Variants in ADCYAP1R1 observed in about 807,000 individuals in gnomAD.
The protein encoded by ADCYAP1R1 is pituitary adenylate cyclase-activating polypeptide type I receptor.
A neutral mutation model predicts 67.6 loss-of-function variants in ADCYAP1R1; 44 were observed. The ratio of observed to expected loss-of-function variants is 0.65; its 90% CI spans 0.51 to 0.84. ADCYAP1R1 has a LOEUF of 0.84. Ranked by LOEUF, ADCYAP1R1 falls within the 40% of genes least tolerant of loss-of-function variation. The pLI is 0.00. For missense variants in ADCYAP1R1, 477 were observed against 587.9 expected, an observed-to-expected ratio of 0.81 and a Z score of 1.95; for synonymous variants, 222 against 219.6, an observed-to-expected ratio of 1.01 and a Z score of -0.10.
At chr7:31,061,578 T>C (rs1794502750) in intron 1 of ADCYAP1R1, among the ~76,000 whole-genome samples, 1 of 152,198 alleles carries the variant, frequency 6.6e-6, no homozygotes. Flanking sequence ...AGTGTTGCCA[T>C]GGCTCCCAGG....
intron 13 of ADCYAP1R1, 110 bp from the exon 14 acceptor site, chr7:31,103,127 C>T (rs1281188074): frequency 6.8e-7 from 1 of 1,462,176 alleles, no homozygotes; most frequent in African/African-American, 1.4e-5. Context: ...TGGACACGGG[C>T]CCCAGCTTGG....
rs1338862124 is a variant in ADCYAP1R1 at position 31,086,570 on chromosome 7, G to A, written c.823+33G>A. On this transcript the variant is annotated intron_variant, in intron 10 of 15. Transcript: ENST00000304166. The surrounding 1 kb of genome is among the most constrained non-coding windows in gnomAD (Gnocchi z 5.0). ...CCTGGCTGTGGCTTGGACAGGTTCA[G>A]GTCCCGTGGTCAGGTGTGTCCAGGT... 1 of 1,613,062 alleles carries A rather than the reference G, an allele frequency of 6.2e-7. No individual in the cohort carries two copies. Among genetic ancestry groups the A allele is most frequent in the Admixed American group, 1.7e-5 (1 of 59,978 alleles).
chr7:31,084,056 C>T, intron 6 of ADCYAP1R1, 85 bp from the exon 7 acceptor site: 2 of 1,193,842 alleles, frequency 1.7e-6, no homozygotes, highest in South Asian at 1.3e-5. Flanking sequence ...TCCAGGAATT[C>T]CCACTGAATA....
chr7:31,084,306 A>C, intron 7 of ADCYAP1R1, 56 bp downstream of exon 7: 1 of 1,470,594 alleles, frequency 6.8e-7, no homozygotes, highest in Non-Finnish European at 9.5e-7. Flanking sequence ...GAGGAAATTT[A>C]GGTCAGTAGG....
chr7:31,098,671 C>T (rs992328134), intron 13 of ADCYAP1R1, among the ~76,000 whole-genome samples: 1 of 134,184 alleles, frequency 7.5e-6, no homozygotes, highest in Non-Finnish European at 1.5e-5. Context: ...TGAATGAGAA[C>T]CCCAAATCCA....
intron 14 of ADCYAP1R1, 118 bp from the exon 15 acceptor site, chr7:31,104,750 G>A (rs1043734245): frequency 5.2e-6 from 6 of 1,149,434 alleles, no homozygotes; most frequent in Non-Finnish European, 6.5e-6. Context: ...CCCTGGGCAG[G>A]TGCCCCCATC....
intron 3 of ADCYAP1R1, among the ~76,000 whole-genome samples, chr7:31,076,790 C>A (rs2128624603): frequency 6.6e-6 from 1 of 152,258 alleles, no homozygotes; most frequent in South Asian, 2.1e-4. Flanking sequence ...CCTGTTCCTG[C>A]CCCTCCCCTT....
chr7:31,094,584 G>A (rs1359031036), intron 13 of ADCYAP1R1, among the ~76,000 whole-genome samples: 2 of 151,842 alleles, frequency 1.3e-5, no homozygotes, highest in Admixed American at 6.6e-5. Flanking sequence ...CTCTGGGGGG[G>A]TCCTCTCAGC....
chr7:31,087,001 A>G lies in ADCYAP1R1; in HGVS notation c.882A>G (p.Thr294=), dbSNP rs1306372240. 2 of 1,614,198 alleles carry G rather than the reference A, an allele frequency of 1.2e-6. No individual in the cohort carries two copies. Among genetic ancestry groups the G allele is most frequent in the Non-Finnish European group, 1.7e-6 (2 of 1,180,038 alleles). ...CGCTGAGACTCTACTTTGATGACACAGGGTTAGTACATGCGCGAGAGTCAG... is the reference window on the plus strand; with the variant it reads ...CGCTGAGACTCTACTTTGATGACACGGGGTTAGTACATGCGCGAGAGTCAG... ...WATLRLYFDD[T]GCWDMNDSTA... is the part of the protein sequence containing the mutation. The change falls in exon 11 of 16, where the codon ACA becomes ACG. Residue 294 remains threonine, a splice_region_variant and synonymous_variant. Transcript: ENST00000304166.
chr7:31,052,776 G>T (rs1196479167), intron 1 of ADCYAP1R1, 98 bp downstream of exon 1: 1 of 152,266 alleles, frequency 6.6e-6, no homozygotes, highest in Non-Finnish European at 1.5e-5. Flanking sequence ...CCCTCCTCTG[G>T]CTTGGCGGTC....
rs150777782 is a variant in ADCYAP1R1 at position 31,066,986 on chromosome 7, T to C, written c.157+2050T>C. Among the ~76,000 whole-genome samples, 1,068 of 152,260 alleles carry C rather than the reference T, an allele frequency of 7.0e-3. 17 individuals carry two copies. Among genetic ancestry groups the C allele is most frequent in the African/African-American group, 0.024 (1,006 of 41,544 alleles). Reference sequence around the variant, plus strand: ...GGCCCAGGGAGCAGATATTGTGTATTTCATGTCATCTCCACTGGAGATGAA... The same window carrying C: ...GGCCCAGGGAGCAGATATTGTGTATCTCATGTCATCTCCACTGGAGATGAA... On this transcript the variant is annotated intron_variant, in intron 3 of 15. Transcript: ENST00000304166.
chr7:31,059,274 A>G (rs983186290), intron 1 of ADCYAP1R1, among the ~76,000 whole-genome samples: 2 of 152,196 alleles, frequency 1.3e-5, no homozygotes, highest in Admixed American at 1.3e-4. Flanking sequence ...TGAGATAGAC[A>G]TTAATATTAT....
At chr7:31,099,133 A>G (rs1043242937) in intron 13 of ADCYAP1R1, among the ~76,000 whole-genome samples, 1 of 152,234 alleles carries the variant, frequency 6.6e-6, no homozygotes, top group Admixed American at 6.5e-5. Flanking sequence ...CTGAGGAGAC[A>G]GAAGTCCTGG....
At chr7:31,093,502 C>G (rs1796055577) in intron 13 of ADCYAP1R1, among the ~76,000 whole-genome samples, 1 of 152,164 alleles carries the variant, frequency 6.6e-6, no homozygotes, top group Non-Finnish European at 1.5e-5. Flanking sequence ...CAGCTTCCAC[C>G]TCCCATCTCT....
chr7:31,056,792 T>A (rs1348522093), intron 1 of ADCYAP1R1: 1 of 152,326 alleles, frequency 6.6e-6, no homozygotes, highest in Non-Finnish European at 1.5e-5. Context: ...GCCCCACCCC[T>A]GTCTGGTGGA....
chr7:31,068,215 G>GCACACACA (rs1554300587), intron 3 of ADCYAP1R1, among the ~76,000 whole-genome samples: 1 of 149,902 alleles, frequency 6.7e-6, no homozygotes, highest in African/African-American at 2.4e-5. Flanking sequence ...ATGTGCGCGC[G>GCACACACA]CACACACACA....
rs1335325307 is a variant in ADCYAP1R1, at chr7:31,108,093, A to G, written c.*1409A>G. 6.6e-6 allele frequency: 1 copy of G among 152,250 alleles called. No homozygotes were observed. The highest frequency in any genetic ancestry group is 1.5e-5 in the Non-Finnish European group (1 of 68,074). 9.4% of individuals were successfully genotyped at this position (152,250 alleles called of 1,614,324 possible). A position where few individuals can be genotyped will look rare whatever the true frequency, so the allele number is the denominator to read the frequency against. On this transcript the variant is annotated 3_prime_UTR_variant, in exon 16 of 16. Transcript: ENST00000304166. ...TCAGCATTTGGTGTTACTCCTGTCC[A>G]AATTCTGTTTGCAGACTTGTTTCAT...
chr7:31,064,831 G>T lies in ADCYAP1R1; in HGVS notation c.52G>T (p.Ala18Ser), dbSNP rs1391458335. 3 of 1,608,472 alleles carry T rather than the reference G, an allele frequency of 1.9e-6. No individual in the cohort carries two copies. Among genetic ancestry groups the T allele is most frequent in the African/African-American group, 2.7e-5 (2 of 74,800 alleles). Residue 18 changes from alanine (A) to serine (S), a missense_variant and splice_region_variant, in exon 3 of 16, where the codon GCC becomes TCC. Physicochemically the swap from Ala to Ser is moderately conservative, Grantham distance 99. Coordinates refer to ENST00000304166, the MANE Select transcript of ADCYAP1R1 (RefSeq NM_001118.5). Reference protein sequence around the residue: ...SLAALLLLPMAPAMHSDCIFK... With the variant: ...SLAALLLLPMSPAMHSDCIFK... The stretch of plus-strand genomic sequence containing the variant: ...CCATCCATCCTGTGTTCTCCTACAG[G>T]CCCCTGCCATGCATTCTGACTGCAT...
At chr7:31,089,220 C>A (rs952642743) in intron 12 of ADCYAP1R1, among the ~76,000 whole-genome samples, 1 of 151,868 alleles carries the variant, frequency 6.6e-6, no homozygotes, top group African/African-American at 2.4e-5. Context: ...TCTGAATTCT[C>A]TTATTGGTTT....
Sources: gnomAD v4.1 joint callset for allele counts (sites outside exome capture counted in the v4.1 genomes callset) on GRCh38, gnomAD v4.1.1 for gene constraint, Gnocchi (gnomAD v3.1) non-coding constraint, MANE v1.5 for transcripts, NCBI Gene and HGNC (gene_info 2026-07-23, HGNC 2026-07-21) for gene names.